Variants in ANKRD24 observed in about 807,000 individuals in gnomAD.
ANKRD24 encodes the protein ankyrin repeat domain-containing protein 24.
In ANKRD24, 109 loss-of-function variants were observed where a neutral mutation model predicts 127.8. That is an observed-to-expected ratio of 0.85 (90% CI 0.73 to 1.00). The LOEUF is 1.00. Ranked by LOEUF, ANKRD24 falls within the 50% of genes least tolerant of loss-of-function variation. ANKRD24 has a pLI of 0.00. For synonymous variants in ANKRD24, 743 were observed against 671.1 expected, an observed-to-expected ratio of 1.11 and a Z score of -1.66; for missense variants, 1,648 against 1,570.2, an observed-to-expected ratio of 1.05 and a Z score of -0.84.
chr19:4,202,581 A>G (rs755897891), intron 6 of ANKRD24, among the ~76,000 whole-genome samples: 1 of 151,784 alleles, frequency 6.6e-6, no homozygotes, highest in Non-Finnish European at 1.5e-5. Context: ...AAATATATAT[A>G]TATACTCCCA....
intron 11 of ANKRD24, among the ~76,000 whole-genome samples, chr19:4,209,297 G>A (rs1307964826): frequency 4.6e-5 from 7 of 151,900 alleles, no homozygotes; most frequent in Non-Finnish European, 7.4e-5. Context: ...TAGTAGAGAT[G>A]GGGTTTCACC....
rs1322860007 is a variant in ANKRD24 at position 4,217,782 on chromosome 19, G to A, written c.2622G>A (p.Leu874=). The change falls in exon 18 of 22, where the codon CTG becomes CTA. Residue 874 remains leucine (L), a synonymous_variant. Transcript: ENST00000318934. ...GEQQRTAAAE[L]GRARDAAEAR... is the part of the protein sequence containing the mutation. ...AGCAGCGCACGGCGGCCGCGGAACT[G>A]GGCCGGGCACGGGACGCCGCTGAGG... is the stretch of plus-strand genomic sequence containing the variant. 30 of 1,321,032 alleles carry A rather than the reference G, an allele frequency of 2.3e-5. No homozygotes were observed. Among genetic ancestry groups the A allele is most frequent in the Non-Finnish European group, 2.8e-5 (29 of 1,039,638 alleles). The allele number at this position is 1,321,032 out of a possible 1,614,324, so 81.8% of individuals were successfully genotyped here. A position where few individuals can be genotyped will look rare whatever the true frequency, so the allele number is the denominator to read the frequency against.
intron 2 of ANKRD24, among the ~76,000 whole-genome samples, chr19:4,191,701 C>T (rs1482005038): frequency 1.3e-5 from 2 of 151,832 alleles, no homozygotes; most frequent in South Asian, 2.1e-4. Flanking sequence ...AGGTTGGTCT[C>T]GAACTCCTGA....
rs1480144533 is a variant in ANKRD24, at chr19:4,217,493, G to T, written c.2333G>T (p.Gly778Val). Residue 778 changes from glycine (G) to valine (V), a missense_variant, in exon 18 of 22, where the codon GGG becomes GTG. Gly to Val is a moderately radical substitution (Grantham distance 109). Coordinates refer to ENST00000318934, the MANE Select transcript of ANKRD24 (RefSeq NM_001393985.1). ...VREAEGSGAS[G>V]GGGGDTTQLR... is the part of the protein sequence containing the mutation. ...GAGGCCGAGGGCAGCGGGGCCAGCG[G>T]GGGCGGTGGCGGTGACACCACACAG... 1.4e-6 allele frequency: 2 copies of T among 1,412,582 alleles called. No individual in the cohort carries two copies. The highest frequency in any genetic ancestry group is 6.6e-5 in the Admixed American group (2 of 30,272). 87.5% of individuals were successfully genotyped at this position (1,412,582 alleles called of 1,614,324 possible).
intron 7 of ANKRD24, chr19:4,206,994 C>T (rs1330871923): frequency 3.6e-6 from 2 of 552,094 alleles, no homozygotes; most frequent in Non-Finnish European, 3.2e-6. Flanking sequence ...CAGCCTTGAA[C>T]TCCTGAGCTC....
intron 7 of ANKRD24, among the ~76,000 whole-genome samples, chr19:4,205,064 T>C (rs1211600899): frequency 6.6e-6 from 1 of 152,132 alleles, no homozygotes. Context: ...GGTGAAACCC[T>C]GTCTCTACTA....
At chr19:4,214,581 C>T (rs1042182902) in intron 15 of ANKRD24, among the ~76,000 whole-genome samples, 7 of 152,186 alleles carry the variant, frequency 4.6e-5, no homozygotes, top group African/African-American at 7.2e-5. Flanking sequence ...AAGCCGGAAA[C>T]GGTGGCTCAC....
At position 4,210,294 on chromosome 19, in the gene ANKRD24, G is replaced by C; in HGVS notation, c.981G>C (p.Val327=). 6.3e-7 allele frequency: 1 copy of C among 1,588,934 alleles called. No homozygotes were observed. The highest frequency in any genetic ancestry group is 8.6e-7 in the Non-Finnish European group (1 of 1,168,174). The part of the protein sequence containing the change: ...PDDRDAYEEI[V]RLRQERGRLL... ...ATCGAGATGCCTATGAGGAGATCGT[G>C]AGGCTGCGGCAGGAGAGGGGCCGCC... The change falls in exon 13 of 22, where the codon GTG becomes GTC. Residue 327 remains valine, a synonymous_variant. Coordinates refer to ENST00000318934, the MANE Select transcript of ANKRD24 (RefSeq NM_001393985.1).
Position 4,217,771 on chromosome 19 carries a change from GC to G in ANKRD24, c.2613del (p.Ala872ArgfsTer138). ...CACGGGGGAGCAGCAGCGCACGGCG[GC>G]CGCGGAACTGGGCCGGGCACGGGAC... ...RATGEQQRTA[A>X]AELGRARDAA... is the part of the protein sequence containing the mutation. On this transcript the variant is annotated frameshift_variant, in exon 18 of 22. Transcript: ENST00000318934. LOFTEE classifies it high-confidence loss of function. The G allele has an allele frequency of 7.7e-7, 1 of 1,304,110 alleles. No homozygotes were observed. The highest frequency in any genetic ancestry group is 2.0e-5 in the South Asian group (1 of 50,164). 80.8% of individuals were successfully genotyped at this position (1,304,110 alleles called of 1,614,324 possible).
intron 2 of ANKRD24, among the ~76,000 whole-genome samples, chr19:4,193,987 AT>A (rs1041073193): frequency 6.6e-6 from 1 of 151,728 alleles, no homozygotes; most frequent in Non-Finnish European, 1.5e-5. Context: ...GAGGATTAAT[AT>A]TTTTGGTTTG....
At position 4,186,467 on chromosome 19, in the gene ANKRD24, T is replaced by C. The variant is rs370594187; in HGVS notation, c.36+6T>C. 3.1e-6 allele frequency: 5 copies of C among 1,590,644 alleles called. No homozygotes were observed. The highest frequency in any genetic ancestry group is 3.4e-6 in the Non-Finnish European group (4 of 1,168,618). On this transcript the variant is annotated splice_donor_region_variant and intron_variant, in intron 2 of 21. Coordinates refer to ENST00000318934, the MANE Select transcript of ANKRD24 (RefSeq NM_001393985.1). ...CGCGATTTAAGAAGACAGAGGTGAGTGTGAGGCCCTAGATGCCCGATACAC... is the reference window on the plus strand; with the variant it reads ...CGCGATTTAAGAAGACAGAGGTGAGCGTGAGGCCCTAGATGCCCGATACAC...
In ANKRD24 at chr19:4,200,634, A is replaced by G. The variant is rs1189398673; in HGVS notation, c.343+463A>G. On this transcript the variant is annotated intron_variant, in intron 5 of 21. Transcript: ENST00000318934. ...TCCTGGGCTCAAGGGATCCCCTCCA[A>G]CCTCAGCCTCCCAAGTAGCTAGGAC... is the stretch of plus-strand genomic sequence containing the variant. Among the ~76,000 whole-genome samples, 6 of 151,580 alleles carry G rather than the reference A, an allele frequency of 4.0e-5. No individual in the cohort carries two copies. In the East Asian group the frequency reaches 1.2e-3, roughly 29 times the overall value.
Position 4,195,036 on chromosome 19 carries a change from C to T in ANKRD24, c.37-4647C>T, listed in dbSNP as rs909336415. On this transcript the variant is annotated intron_variant, in intron 2 of 21. Coordinates refer to ENST00000318934, the MANE Select transcript of ANKRD24 (RefSeq NM_001393985.1). This position sits in a 1 kb window ranked among gnomAD's most constrained non-coding sequence, Gnocchi z 4.2. Reference sequence around the variant, plus strand: ...AGGCTGGAGTGCAGTGGTGCGATCTCGGCGTGAGCCACCGCGCCCAGGTTT... The same window carrying T: ...AGGCTGGAGTGCAGTGGTGCGATCTTGGCGTGAGCCACCGCGCCCAGGTTT... Among the ~76,000 whole-genome samples the T allele has an allele frequency of 2.3e-4, 34 of 148,136 alleles. No homozygotes were observed. Among genetic ancestry groups the T allele is most frequent in the African/African-American group, 4.5e-4 (18 of 40,272 alleles).
rs1378479832 is a variant in ANKRD24 at position 4,216,742 on chromosome 19, G to A, written c.1582G>A (p.Glu528Lys). Residue 528 changes from glutamate (E) to lysine (K), a missense_variant, in exon 18 of 22, where the codon GAG (glutamate) becomes AAG (lysine). Coordinates refer to ENST00000318934, the MANE Select transcript of ANKRD24 (RefSeq NM_001393985.1). ...CAGAGAAGAGGGGGCAGCCTGTGGG[G>A]AGAGTGAGGTTGCTGGAGCCACGGC... The part of the protein sequence containing the change: ...VPREEGAACG[E>K]SEVAGATATK... 5 of 1,579,848 alleles carry A rather than the reference G, an allele frequency of 3.2e-6. No individual in the cohort carries two copies. Among genetic ancestry groups the A allele is most frequent in the South Asian group, 1.2e-5 (1 of 86,804 alleles).
Position 4,199,881 on chromosome 19 carries a change from G to T in ANKRD24, c.130G>T (p.Asp44Tyr). Residue 44 changes from aspartate (D) to tyrosine (Y), a missense_variant, in exon 4 of 22, where the codon GAC (aspartate) becomes TAC (tyrosine). Coordinates refer to ENST00000318934, the MANE Select transcript of ANKRD24 (RefSeq NM_001393985.1). This position sits in a 1 kb window ranked among gnomAD's most constrained non-coding sequence, Gnocchi z 5.2. ...PAARGRRQSQ[D>Y]WGKSDERLLQ... Reference sequence around the variant, plus strand: ...TTCTGGGCGTGCCCTGCAGAGTCAAGACTGGGGCAAGAGTGACGAGAGGCT... The same window carrying T: ...TTCTGGGCGTGCCCTGCAGAGTCAATACTGGGGCAAGAGTGACGAGAGGCT... 1 of 1,571,196 alleles carries T rather than the reference G, an allele frequency of 6.4e-7. No homozygotes were observed. The highest frequency in any genetic ancestry group is 1.2e-5 in the South Asian group (1 of 85,412).
At chr19:4,191,907 G>A (rs565115543) in intron 2 of ANKRD24, among the ~76,000 whole-genome samples, 14 of 151,728 alleles carry the variant, frequency 9.2e-5, no homozygotes, top group Non-Finnish European at 1.3e-4. Context: ...TCAGCCTCCC[G>A]AGTAGCTGAG....
intron 2 of ANKRD24, among the ~76,000 whole-genome samples, chr19:4,190,252 G>C (rs914250177): frequency 1.3e-5 from 2 of 151,590 alleles, no homozygotes; most frequent in African/African-American, 4.8e-5. Context: ...TCATTAACAC[G>C]GTGAAACCCC....
In ANKRD24 at chr19:4,198,640, G is replaced by GA. The variant is rs924230564; in HGVS notation, c.37-1040dup. The GA allele has an allele frequency of 7.5e-6, 3 of 401,600 alleles. No homozygotes were observed. Among genetic ancestry groups the GA allele is most frequent in the African/African-American group, 6.2e-5 (3 of 48,142 alleles). 24.9% of individuals were successfully genotyped at this position (401,600 alleles called of 1,614,324 possible). Reference sequence around the variant, plus strand: ...GACCACCCCCCCATTCCAGACCCGGGAAAGATGGTCGGCGGCGGGGGGTGG... The same window carrying GA: ...GACCACCCCCCCATTCCAGACCCGGGAAAAGATGGTCGGCGGCGGGGGGTGG... On this transcript the variant is annotated intron_variant, in intron 2 of 21. Coordinates refer to ENST00000318934, the MANE Select transcript of ANKRD24 (RefSeq NM_001393985.1). This position sits in a 1 kb window ranked among gnomAD's most constrained non-coding sequence, Gnocchi z 6.1.
intron 18 of ANKRD24, 146 bp from the exon 19 acceptor site, chr19:4,219,445 G>A: frequency 1.2e-6 from 1 of 827,706 alleles, no homozygotes; most frequent in Non-Finnish European, 1.8e-6. Flanking sequence ...CCAGCCAGGA[G>A]TGCAGGTCCG....
Sources: allele counts gnomAD v4.1 joint callset (sites outside exome capture counted in the v4.1 genomes callset), GRCh38; gene constraint gnomAD v4.1.1; non-coding constraint Gnocchi (gnomAD v3.1); transcripts MANE v1.5; gene names NCBI Gene and HGNC (gene_info 2026-07-23, HGNC 2026-07-21).